Variants in ERBB4 observed in about 807,000 individuals in gnomAD.
The protein encoded by ERBB4 is receptor tyrosine-protein kinase erbB-4.
Under a neutral mutation model 158.0 loss-of-function variants are expected in ERBB4, and 42 were observed. That is an observed-to-expected ratio of 0.27 (90% CI 0.21 to 0.34). ERBB4 has a LOEUF of 0.34. ERBB4 is among the 10% of genes least tolerant of loss of function. The pLI, the probability that ERBB4 is intolerant of heterozygous loss-of-function variation, is 1.00. For missense variants in ERBB4, 1,333 were observed against 1,624.1 expected, an observed-to-expected ratio of 0.82 and a Z score of 3.08; for synonymous variants, 583 against 558.7, an observed-to-expected ratio of 1.04 and a Z score of -0.61.
chr2:212,023,429 A>G (rs1167088105), intron 2 of ERBB4, among the ~76,000 whole-genome samples: 1 of 152,082 alleles, frequency 6.6e-6, no homozygotes, highest in Non-Finnish European at 1.5e-5. Context: ...ACTAGCCAAC[A>G]AGCTTTAAAT....
chr2:212,214,021 G>C (rs1032893356), intron 1 of ERBB4, among the ~76,000 whole-genome samples: 1 of 151,726 alleles, frequency 6.6e-6, no homozygotes, highest in Non-Finnish European at 1.5e-5. Flanking sequence ...CTACAGTTGA[G>C]GTATTCAGAA....
At chr2:211,833,084 C>T (rs1451693721) in intron 3 of ERBB4, among the ~76,000 whole-genome samples, 1 of 151,976 alleles carries the variant, frequency 6.6e-6, no homozygotes, top group Non-Finnish European at 1.5e-5. Flanking sequence ...ATAAAAACTG[C>T]CTGGAACAGT....
chr2:212,513,757 C>T (rs959768681), intron 1 of ERBB4, among the ~76,000 whole-genome samples: 1 of 151,998 alleles, frequency 6.6e-6, no homozygotes, highest in African/African-American at 2.4e-5. Flanking sequence ...GCTTGCAGTG[C>T]GCCAAGATCC....
chr2:211,420,841 C>T (rs1363404939), intron 24 of ERBB4, among the ~76,000 whole-genome samples: 50 of 151,892 alleles, frequency 3.3e-4, no homozygotes, highest in Admixed American at 3.2e-3. Flanking sequence ...TGATAAATGC[C>T]ATTAGAGAAT....
intron 3 of ERBB4, among the ~76,000 whole-genome samples, chr2:211,930,217 T>C (rs1262416346): frequency 6.6e-6 from 1 of 152,206 alleles, no homozygotes; most frequent in African/African-American, 2.4e-5. Context: ...TTAAATATAC[T>C]TTCATGCCCA....
intron 20 of ERBB4, among the ~76,000 whole-genome samples, chr2:211,455,562 A>G (rs2064360929): frequency 6.6e-6 from 1 of 152,238 alleles, no homozygotes; most frequent in Non-Finnish European, 1.5e-5. Context: ...ACCCACATAA[A>G]TCTCTCATAA....
chr2:211,871,280 C>G (rs1396085908), intron 3 of ERBB4, among the ~76,000 whole-genome samples: 1 of 152,158 alleles, frequency 6.6e-6, no homozygotes, highest in Non-Finnish European at 1.5e-5. Flanking sequence ...CAGAGGATCA[C>G]TTGAGCCCAG....
intron 22 of ERBB4, among the ~76,000 whole-genome samples, chr2:211,426,630 AT>A (rs1295977726): frequency 2.0e-5 from 3 of 152,128 alleles, no homozygotes; most frequent in Non-Finnish European, 4.4e-5. Flanking sequence ...ACTATTAAAA[AT>A]ATGACTGTTC....
At chr2:211,457,283 AAT>A (rs1219125824) in intron 20 of ERBB4, among the ~76,000 whole-genome samples, 1 of 152,226 alleles carries the variant, frequency 6.6e-6, no homozygotes, top group Non-Finnish European at 1.5e-5. Context: ...TCTATTTAAA[AAT>A]AATTACTTCT....
chr2:211,852,827 A>G (rs529453114), intron 3 of ERBB4, among the ~76,000 whole-genome samples: 2 of 152,026 alleles, frequency 1.3e-5, no homozygotes, highest in South Asian at 4.1e-4. Context: ...TCTCAGCTCA[A>G]TACTACCTAA....
intron 3 of ERBB4, among the ~76,000 whole-genome samples, chr2:211,889,443 TG>T (rs1020013742): frequency 1.3e-4 from 19 of 149,262 alleles, no homozygotes; most frequent in African/African-American, 3.3e-4. Context: ...ACCACAAAGA[TG>T]GGGAAAAAAC....
At chr2:212,385,195 C>A (rs997381209) in intron 1 of ERBB4, among the ~76,000 whole-genome samples, 11 of 151,512 alleles carry the variant, frequency 7.3e-5, no homozygotes, top group African/African-American at 2.7e-4. Flanking sequence ...TGTAAAAATG[C>A]TTTTTCTGCA....
At chr2:211,495,769 T>C (rs1382826404) in intron 20 of ERBB4, among the ~76,000 whole-genome samples, 1 of 152,034 alleles carries the variant, frequency 6.6e-6, no homozygotes, top group African/African-American at 2.4e-5. Flanking sequence ...TCAGAGAAAA[T>C]GAACTAACTT....
rs186554306 is a variant in ERBB4, at chr2:211,487,870, A to C, written c.2488-56770T>G. On this transcript the variant is annotated intron_variant, in intron 20 of 27. Coordinates refer to ENST00000342788, the MANE Select transcript of ERBB4 (RefSeq NM_005235.3). ...TTAGCTGGTGTAATGAAGAGAGAGG[A>C]AAAGTGTGTTGGACACTGAAGGCCT... Among the ~76,000 whole-genome samples the C allele has an allele frequency of 5.3e-5, 8 of 152,166 alleles. No individual in the cohort carries two copies. The East Asian group carries it at 1.5e-3, about 29-fold the overall frequency.
chr2:212,282,478 T>C (rs1339047309), intron 1 of ERBB4, among the ~76,000 whole-genome samples: 1 of 151,934 alleles, frequency 6.6e-6, no homozygotes, highest in Non-Finnish European at 1.5e-5. Context: ...ACAAACTCTA[T>C]TTGATTATTC....
chr2:212,073,988 T>C (rs1243174148), intron 2 of ERBB4, among the ~76,000 whole-genome samples: 1 of 152,010 alleles, frequency 6.6e-6, no homozygotes, highest in Non-Finnish European at 1.5e-5. Flanking sequence ...ATTCCTCACA[T>C]TCTCAACTTG....
intron 1 of ERBB4, among the ~76,000 whole-genome samples, chr2:212,352,460 T>C (rs2089295212): frequency 6.6e-6 from 1 of 152,186 alleles, no homozygotes; most frequent in South Asian, 2.1e-4. Flanking sequence ...TTACAAAATG[T>C]TTATCAAGCT....
At chr2:211,507,834 T>C (rs1423632538) in intron 20 of ERBB4, among the ~76,000 whole-genome samples, 1 of 151,932 alleles carries the variant, frequency 6.6e-6, no homozygotes, top group African/African-American at 2.4e-5. Flanking sequence ...ACACAACACA[T>C]CTACAACCAT....
At position 211,723,203 on chromosome 2, in the gene ERBB4, C is replaced by T. The variant is rs529417625; in HGVS notation, c.742-669G>A. On this transcript the variant is annotated intron_variant, in intron 6 of 27. Transcript: ENST00000342788. ...AGAAGACAGTTCATTTCTGCTGACT[C>T]GTATATTTATATTCATAACTCAATT... Among the ~76,000 whole-genome samples, 8 of 152,146 alleles carry T rather than the reference C, an allele frequency of 5.3e-5. No homozygotes were observed. The East Asian group carries it at 7.7e-4, about 15-fold the overall frequency.
Sources: allele counts gnomAD v4.1 joint callset (sites outside exome capture counted in the v4.1 genomes callset), GRCh38; gene constraint gnomAD v4.1.1; transcripts MANE v1.5; gene names NCBI Gene and HGNC (gene_info 2026-07-23, HGNC 2026-07-21).